Variants in OPRD1 observed in about 807,000 individuals in gnomAD.
OPRD1 encodes delta-type opioid receptor.
A neutral mutation model predicts 17.5 loss-of-function variants in OPRD1; 19 were observed. The observed-to-expected ratio is 1.09, with a 90% CI of 0.76 to 1.60. The LOEUF is 1.60. Among genes scored for constraint, OPRD1 ranks in the 40% most tolerant of loss-of-function variants. OPRD1 has a pLI of 0.00. For synonymous variants in OPRD1, 256 were observed against 240.9 expected, an observed-to-expected ratio of 1.06 and a Z score of -0.58; for missense variants, 483 against 547.2, an observed-to-expected ratio of 0.88 and a Z score of 1.17.
chr1:28,837,688 A>G (rs780797811), intron 1 of OPRD1, among the ~76,000 whole-genome samples: 29 of 150,618 alleles, frequency 1.9e-4, no homozygotes, highest in South Asian at 2.1e-4. Flanking sequence ...AACCCAAAAA[A>G]TGGTTCGGGA....
At chr1:28,846,846 T>TTTC (rs769212543) in intron 1 of OPRD1, among the ~76,000 whole-genome samples, 10,468 of 75,712 alleles carry the variant, frequency 0.14, 674 homozygotes, top group African/African-American at 0.19. Flanking sequence ...TCTTTCTTTC[T>TTTC]TTTCTTTCTT....
intron 1 of OPRD1, among the ~76,000 whole-genome samples, chr1:28,838,319 T>C (rs978448413): frequency 6.6e-6 from 1 of 152,200 alleles, no homozygotes; most frequent in African/African-American, 2.4e-5. Context: ...TCAGCCACCT[T>C]GAACCTCACC....
Position 28,865,294 on chromosome 1 carries a change from T to A in OPRD1, c.*2011T>A, listed in dbSNP as rs1026265453. The A allele has an allele frequency of 1.3e-5, 2 of 152,254 alleles. No individual in the cohort carries two copies. The highest frequency in any genetic ancestry group is 2.4e-5 in the African/African-American group (1 of 41,426). 9.4% of individuals were successfully genotyped at this position (152,254 alleles called of 1,614,324 possible). ...TGCTGACATCCTTGTAAAAACAAAT[T>A]TAATTTTCTTCCTTTTTTGGGACAG... On this transcript the variant is annotated 3_prime_UTR_variant, in exon 3 of 3. Transcript: ENST00000234961.
chr1:28,822,037 C>T (rs1184337370), intron 1 of OPRD1, among the ~76,000 whole-genome samples: 2 of 151,534 alleles, frequency 1.3e-5, no homozygotes, highest in Admixed American at 6.6e-5. Flanking sequence ...CCACAACCTC[C>T]GCCTCCTGGG....
At chr1:28,846,704 AAGAG>A (rs61567872) in intron 1 of OPRD1, among the ~76,000 whole-genome samples, 54 of 140,622 alleles carry the variant, frequency 3.8e-4, no homozygotes, top group African/African-American at 1.2e-3. Flanking sequence ...AAAAAAAAAA[AAGAG>A]AGAGAGAGAG....
chr1:28,834,941 G>A (rs1465518659), intron 1 of OPRD1, among the ~76,000 whole-genome samples: 1 of 152,070 alleles, frequency 6.6e-6, no homozygotes, highest in Non-Finnish European at 1.5e-5. Flanking sequence ...TGTCCTGTGT[G>A]TCCCCCGCCA....
rs2089213681 is a variant in OPRD1, at chr1:28,871,128, G to T, written c.*7845G>T. ...TCTGTAATAGGAGCTGCCCCAATTA[G>T]GGGCAGGGAGGCGGGCATGTAAAAA... On this transcript the variant is annotated 3_prime_UTR_variant, in exon 3 of 3. Transcript: ENST00000234961. The T allele has an allele frequency of 6.6e-6, 1 of 152,184 alleles. No individual in the cohort carries two copies. Among genetic ancestry groups the T allele is most frequent in the Non-Finnish European group, 1.5e-5 (1 of 68,034 alleles). The allele number at this position is 152,184 out of a possible 1,614,324, so 9.4% of individuals were successfully genotyped here.
At chr1:28,822,518 T>C in intron 1 of OPRD1, among the ~76,000 whole-genome samples, 1 of 152,080 alleles carries the variant, frequency 6.6e-6, no homozygotes, top group East Asian at 1.9e-4. Flanking sequence ...TCTCATTCTG[T>C]TGCACAGGTT....
At position 28,863,574 on chromosome 1, in the gene OPRD1, G is replaced by A. The variant is rs2089146594; in HGVS notation, c.*291G>A. The stretch of plus-strand genomic sequence containing the variant: ...AAGCCAGTGACTCCAGGAGAGGAGC[G>A]GGACCTGTGGCTCTACAACTGAGTC... On this transcript the variant is annotated 3_prime_UTR_variant, in exon 3 of 3. Coordinates refer to ENST00000234961, the MANE Select transcript of OPRD1 (RefSeq NM_000911.4). 5.3e-6 allele frequency: 2 copies of A among 378,184 alleles called. No individual in the cohort carries two copies. The highest frequency in any genetic ancestry group is 9.4e-6 in the Non-Finnish European group (2 of 213,720). 23.4% of individuals were successfully genotyped at this position (378,184 alleles called of 1,614,324 possible). A position where few individuals can be genotyped will look rare whatever the true frequency, so the allele number is the denominator to read the frequency against.
rs374195662 is a variant in OPRD1, at chr1:28,849,278, C to T, written c.228-9676C>T. Among the ~76,000 whole-genome samples the T allele has an allele frequency of 6.4e-4, 97 of 152,090 alleles. No homozygotes were observed. In the South Asian group the frequency reaches 1.0e-2, roughly 16 times the overall value. The stretch of plus-strand genomic sequence containing the variant: ...TTTAATGGGGAGATGGGGGGACTCC[C>T]GGGCCCTTTCTCCAGCTCTGCCAAC... On this transcript the variant is annotated intron_variant, in intron 1 of 2. Transcript: ENST00000234961.
chr1:28,859,135 T>C lies in OPRD1; in HGVS notation c.409T>C (p.Phe137Leu). The change falls in exon 2 of 3, where the codon TTC becomes CTC. Residue 137 changes from phenylalanine (F) to leucine (L), a missense_variant. Coordinates refer to ENST00000234961, the MANE Select transcript of OPRD1 (RefSeq NM_000911.4). ...IDYYNMFTSI[F>L]TLTMMSVDRY... The stretch of plus-strand genomic sequence containing the variant: ...CTACTACAATATGTTCACCAGCATC[T>C]TCACGCTCACCATGATGAGTGTTGA... The C allele has an allele frequency of 6.2e-7, 1 of 1,614,258 alleles. No homozygotes were observed. The highest frequency in any genetic ancestry group is 1.1e-5 in the South Asian group (1 of 91,086).
At chr1:28,819,966 A>G (rs1287121858) in intron 1 of OPRD1, among the ~76,000 whole-genome samples, 3 of 151,552 alleles carry the variant, frequency 2.0e-5, no homozygotes, top group Admixed American at 1.3e-4. Context: ...ATACATACAC[A>G]CCCTCTCTGA....
At chr1:28,852,164 T>TAAAAAAAAAAAAAAAAAAAAAAAA (rs71030305) in intron 1 of OPRD1, among the ~76,000 whole-genome samples, 2 of 86,744 alleles carry the variant, frequency 2.3e-5, no homozygotes, top group Admixed American at 1.4e-4. Flanking sequence ...AAACTCCATG[T>TAAAAAAAAAAAAAAAAAAAAAAAA]AAAAAAAAAA....
At chr1:28,846,956 C>A (rs10915200) in intron 1 of OPRD1, among the ~76,000 whole-genome samples, 1 of 143,376 alleles carries the variant, frequency 7.0e-6, no homozygotes. Context: ...TTTTCTTTCT[C>A]TTTCTCTCTT....
rs2089156068 is a variant in OPRD1 at position 28,864,555 on chromosome 1, G to A, written c.*1272G>A. ...AAACCAGTTCGAAAACCCAGACCCG[G>A]AGTGGACCTCCGTGCCAAGGGGTGG... On this transcript the variant is annotated 3_prime_UTR_variant, in exon 3 of 3. Coordinates refer to ENST00000234961, the MANE Select transcript of OPRD1 (RefSeq NM_000911.4). 1 of 152,180 alleles carries A rather than the reference G, an allele frequency of 6.6e-6. No individual in the cohort carries two copies. Among genetic ancestry groups the A allele is most frequent in the East Asian group, 1.9e-4 (1 of 5,192 alleles). The allele number at this position is 152,180 out of a possible 1,614,324, so 9.4% of individuals were successfully genotyped here.
intron 1 of OPRD1, among the ~76,000 whole-genome samples, chr1:28,843,463 G>A (rs992004609): frequency 5.9e-5 from 9 of 151,986 alleles, no homozygotes; most frequent in Admixed American, 2.0e-4. Context: ...CTAGCCCCTC[G>A]TAACCCCAGG....
Position 28,825,176 on chromosome 1 carries a change from G to C in OPRD1, c.227+12566G>C, listed in dbSNP as rs2088753722. The stretch of plus-strand genomic sequence containing the variant: ...CCATTGCCTTGTTCTCTGCCACCTT[G>C]TATGTCAAGTTCAGCCCCTCTGATT... On this transcript the variant is annotated intron_variant, in intron 1 of 2. Transcript: ENST00000234961. 2.0e-5 allele frequency among the ~76,000 whole-genome samples: 3 copies of C among 152,160 alleles called. No homozygotes were observed. In the East Asian group the frequency reaches 5.8e-4, roughly 29 times the overall value.
Position 28,812,534 on chromosome 1 carries a change from G to T in OPRD1, c.151G>T (p.Ala51Ser). 1 of 1,582,790 alleles carries T rather than the reference G, an allele frequency of 6.3e-7. No homozygotes were observed. Among genetic ancestry groups the T allele is most frequent in the Non-Finnish European group, 8.5e-7 (1 of 1,171,802 alleles). The change falls in exon 1 of 3, where the codon GCC (alanine) becomes TCC (serine). Residue 51 changes from alanine (A) to serine (S), a missense_variant. By Grantham distance (99) the Ala-to-Ser change is moderately conservative. Transcript: ENST00000234961. ...CGCCTCGTCCCTCGCCCTGGCAATC[G>T]CCATCACCGCGCTCTACTCGGCCGT... ...RSASSLALAI[A>S]ITALYSAVCA... is the part of the protein sequence containing the mutation.
chr1:28,843,266 T>A (rs941630723), intron 1 of OPRD1, among the ~76,000 whole-genome samples: 1 of 152,188 alleles, frequency 6.6e-6, no homozygotes, highest in Non-Finnish European at 1.5e-5. Flanking sequence ...CCGCCTTTTT[T>A]ATTGTGATAA....
Sources: gnomAD v4.1 joint callset for allele counts (sites outside exome capture counted in the v4.1 genomes callset) on GRCh38, gnomAD v4.1.1 for gene constraint, MANE v1.5 for transcripts, NCBI Gene and HGNC (gene_info 2026-07-23, HGNC 2026-07-21) for gene names.